RGS7: variants seen among roughly 807,000 people sequenced by gnomAD.
RGS7 encodes the protein regulator of G-protein signaling 7.
A neutral mutation model predicts 81.1 loss-of-function variants in RGS7; 27 were observed. The ratio of observed to expected loss-of-function variants is 0.33; its 90% CI spans 0.25 to 0.46. The LOEUF (loss-of-function observed/expected upper bound fraction) is 0.46. Among genes scored for constraint, RGS7 ranks in the 20% least tolerant of loss-of-function variants. The probability of loss-of-function intolerance (pLI) is 1.00; values close to 1 mark genes in which losing one functional copy is unlikely to be tolerated. For missense variants in RGS7, 396 were observed against 607.4 expected, an observed-to-expected ratio of 0.65 and a Z score of 3.66; for synonymous variants, 208 against 207.7, an observed-to-expected ratio of 1.00 and a Z score of -0.01.
At chr1:241,180,002 T>C (rs1019546385) in intron 2 of RGS7, among the ~76,000 whole-genome samples, 1 of 152,112 alleles carries the variant, frequency 6.6e-6, no homozygotes, top group African/African-American at 2.4e-5. Context: ...CGAAATGTTA[T>C]GAGGTTCTAT....
chr1:241,001,522 A>G (rs1357950058), intron 3 of RGS7, among the ~76,000 whole-genome samples: 1 of 152,168 alleles, frequency 6.6e-6, no homozygotes, highest in Admixed American at 6.5e-5. Flanking sequence ...CTATACAGAA[A>G]AGAAGAAAAG....
At chr1:241,038,157 C>G (rs2060428968) in intron 3 of RGS7, among the ~76,000 whole-genome samples, 1 of 152,082 alleles carries the variant, frequency 6.6e-6, no homozygotes, top group Admixed American at 6.6e-5. Flanking sequence ...TTACAGTTGG[C>G]TGCTGTTGGT....
intron 3 of RGS7, among the ~76,000 whole-genome samples, chr1:241,032,578 T>C (rs542041843): frequency 6.6e-6 from 1 of 152,294 alleles, no homozygotes; most frequent in African/African-American, 2.4e-5. Flanking sequence ...AGTATGGTCA[T>C]TTAAACAATA....
chr1:241,162,063 C>A (rs1238292383), intron 2 of RGS7, among the ~76,000 whole-genome samples: 1 of 152,086 alleles, frequency 6.6e-6, no homozygotes, highest in Non-Finnish European at 1.5e-5. Context: ...GTGAGCAGGT[C>A]AGGAGAGGAC....
intron 2 of RGS7, among the ~76,000 whole-genome samples, chr1:241,148,493 C>A (rs1206779645): frequency 6.6e-6 from 1 of 152,184 alleles, no homozygotes; most frequent in Non-Finnish European, 1.5e-5. Context: ...CATCTTAATA[C>A]CTTATTCCCA....
intron 6 of RGS7, among the ~76,000 whole-genome samples, chr1:240,872,704 GTA>G (rs1432136317): frequency 1.3e-5 from 2 of 152,168 alleles, no homozygotes; most frequent in African/African-American, 4.8e-5. Flanking sequence ...GAAGGTCCAA[GTA>G]GATCAAAGAT....
At chr1:240,805,803 T>A (rs1309731919) in intron 15 of RGS7, among the ~76,000 whole-genome samples, 1 of 152,198 alleles carries the variant, frequency 6.6e-6, no homozygotes, top group East Asian at 1.9e-4. Flanking sequence ...AAAAATGTTT[T>A]AAAAAATCTT....
At chr1:241,256,302 T>C (rs567596825) in intron 2 of RGS7, among the ~76,000 whole-genome samples, 1 of 152,308 alleles carries the variant, frequency 6.6e-6, no homozygotes, top group South Asian at 2.1e-4. Flanking sequence ...AAAAGATCTT[T>C]TTGGAAATTA....
At chr1:241,290,996 C>T (rs544876428) in intron 2 of RGS7, among the ~76,000 whole-genome samples, 44 of 152,290 alleles carry the variant, frequency 2.9e-4, no homozygotes, top group Admixed American at 2.5e-3. Context: ...AGAGTGAACA[C>T]TCACATTTTG....
At chr1:241,097,801 C>A (rs2064384377) in intron 3 of RGS7, among the ~76,000 whole-genome samples, 1 of 152,166 alleles carries the variant, frequency 6.6e-6, no homozygotes, top group African/African-American at 2.4e-5. Context: ...CCAGTCATTG[C>A]CAATCAAACC....
rs1476561448 is a variant in RGS7 at position 241,163,567 on chromosome 1, TTC to T, written c.79-64807_79-64806del. Among the ~76,000 whole-genome samples, 1 of 145,502 alleles carries T rather than the reference TTC, an allele frequency of 6.9e-6. No individual in the cohort carries two copies. Among genetic ancestry groups the T allele is most frequent in the African/African-American group, 2.5e-5 (1 of 39,800 alleles). ...GTCTGAAAGAAACATTTACCATCTA[TTC>T]TCTCTGAGGGCGGCTACCTGTGAGA... On this transcript the variant is annotated intron_variant, in intron 2 of 18. Transcript: ENST00000440928. The surrounding 1 kb of genome is among the most constrained non-coding windows in gnomAD (Gnocchi z 4.6).
intron 5 of RGS7, among the ~76,000 whole-genome samples, chr1:240,933,033 G>C (rs1182212795): frequency 1.0e-4 from 15 of 147,214 alleles, no homozygotes; most frequent in African/African-American, 2.8e-4. Flanking sequence ...ACAGGCGCCC[G>C]CACCACGCCC....
At chr1:241,235,348 A>C (rs906243232) in intron 2 of RGS7, among the ~76,000 whole-genome samples, 1 of 152,220 alleles carries the variant, frequency 6.6e-6, no homozygotes, top group Non-Finnish European at 1.5e-5. Context: ...TTGGTTGTCA[A>C]GAGCAGACTA....
intron 4 of RGS7, among the ~76,000 whole-genome samples, chr1:240,938,188 C>T (rs1676963674): frequency 6.6e-6 from 1 of 152,172 alleles, no homozygotes; most frequent in Non-Finnish European, 1.5e-5. Context: ...CCCACTTTGC[C>T]CTCCCACATC....
chr1:241,173,179 A>AAC (rs1246068112), intron 2 of RGS7, among the ~76,000 whole-genome samples: 1 of 152,176 alleles, frequency 6.6e-6, no homozygotes, highest in African/African-American at 2.4e-5. Flanking sequence ...TTCCAAGGTG[A>AAC]AGGTCTAGGA....
At position 240,868,161 on chromosome 1, in the gene RGS7, C is replaced by T. The variant is rs947612152; in HGVS notation, c.609+426G>A. Among the ~76,000 whole-genome samples, 79 of 83,142 alleles carry T rather than the reference C, an allele frequency of 9.5e-4. 1 individual carries two copies. Among genetic ancestry groups the T allele is most frequent in the Non-Finnish European group, 5.9e-4 (22 of 37,156 alleles). 54.5% of individuals were successfully genotyped at this position (83,142 alleles called of 152,430 possible). ...AAGAAAGAAAGAAAGAAAGAAAGGA[C>T]GGAGGGAGGGAAGGACGAAGGAAGG... On this transcript the variant is annotated intron_variant, in intron 9 of 18. Transcript: ENST00000440928. This position sits in a 1 kb window ranked among gnomAD's most constrained non-coding sequence, Gnocchi z 5.1.
At chr1:241,213,255 A>G (rs2074352404) in intron 2 of RGS7, among the ~76,000 whole-genome samples, 1 of 152,238 alleles carries the variant, frequency 6.6e-6, no homozygotes, top group Admixed American at 6.5e-5. Flanking sequence ...GTAGCACAGC[A>G]TATGAAACAC....
At chr1:241,248,789 G>C (rs551809455) in intron 2 of RGS7, among the ~76,000 whole-genome samples, 1 of 152,136 alleles carries the variant, frequency 6.6e-6, no homozygotes, top group Non-Finnish European at 1.5e-5. Context: ...CGGATGAGTG[G>C]AGAAGGCAGA....
intron 18 of RGS7, among the ~76,000 whole-genome samples, chr1:240,784,571 G>A (rs921106130): frequency 2.0e-5 from 3 of 151,826 alleles, no homozygotes; most frequent in East Asian, 1.9e-4. Flanking sequence ...GCGTGAACCC[G>A]GGAGGCGGAG....
Sources: gnomAD v4.1 joint callset for allele counts (sites outside exome capture counted in the v4.1 genomes callset) on GRCh38, gnomAD v4.1.1 for gene constraint, Gnocchi (gnomAD v3.1) non-coding constraint, MANE v1.5 for transcripts, NCBI Gene and HGNC (gene_info 2026-07-23, HGNC 2026-07-21) for gene names.